The following CTNND2 variants were observed in gnomAD, a reference collection of about 807,000 sequenced individuals.
CTNND2 encodes the protein catenin delta-2.
A neutral mutation model predicts 144.4 loss-of-function variants in CTNND2; 22 were observed. That is an observed-to-expected ratio of 0.15 (90% CI 0.11 to 0.22). The LOEUF (loss-of-function observed/expected upper bound fraction) is 0.22, where lower values mean the gene tolerates loss of function less well. Among genes scored for constraint, CTNND2 ranks in the 10% least tolerant of loss-of-function variants. The probability of loss-of-function intolerance (pLI) is 1.00; values close to 1 mark genes in which losing one functional copy is unlikely to be tolerated. For missense variants in CTNND2, 1,353 were observed against 1,618.8 expected (o/e 0.84, Z 2.82); for synonymous variants, 751 against 695.6 (o/e 1.08, Z -1.25).
chr5:11,789,737 G>C (rs1481957241), intron 1 of CTNND2, among the ~76,000 whole-genome samples: 1 of 152,020 alleles, frequency 6.6e-6, no homozygotes, highest in East Asian at 1.9e-4. Flanking sequence ...GAATTGCCTA[G>C]TATCTCAAAT....
intron 1 of CTNND2, among the ~76,000 whole-genome samples, chr5:11,879,341 G>GTGTATATATATATATATATATA: frequency 1.5e-4 from 16 of 109,372 alleles, no homozygotes; most frequent in South Asian, 3.3e-4. Context: ...TTAAATGTGT[G>GTGTATATATATATATATATATA]TATATATATA....
At chr5:11,108,246 C>T (rs1428022174) in intron 14 of CTNND2, among the ~76,000 whole-genome samples, 1 of 152,108 alleles carries the variant, frequency 6.6e-6, no homozygotes, top group Admixed American at 6.5e-5. Context: ...GGCTGGTCTG[C>T]GGGATCCTAA....
chr5:11,006,146 C>G (rs1442399351), intron 18 of CTNND2, among the ~76,000 whole-genome samples: 1 of 152,050 alleles, frequency 6.6e-6, no homozygotes, highest in African/African-American at 2.4e-5. Flanking sequence ...AAGACCAGGA[C>G]CAGGGTATTG....
intron 9 of CTNND2, among the ~76,000 whole-genome samples, chr5:11,244,247 T>A (rs1182481752): frequency 6.6e-6 from 1 of 151,840 alleles, no homozygotes; most frequent in African/African-American, 2.4e-5. Flanking sequence ...TCCTGGATAG[T>A]TTGTAACTAA....
At chr5:11,846,328 A>G (rs1194497292) in intron 1 of CTNND2, among the ~76,000 whole-genome samples, 1 of 152,144 alleles carries the variant, frequency 6.6e-6, no homozygotes, top group African/African-American at 2.4e-5. Context: ...TTGACTTCAT[A>G]CTGTACAGAT....
intron 1 of CTNND2, among the ~76,000 whole-genome samples, chr5:11,854,369 G>C (rs934803219): frequency 6.6e-6 from 1 of 152,010 alleles, no homozygotes; most frequent in Non-Finnish European, 1.5e-5. Flanking sequence ...ACTCATTTCT[G>C]TTTGCTGTTT....
At chr5:11,884,484 T>C (rs1339061667) in intron 1 of CTNND2, among the ~76,000 whole-genome samples, 1 of 152,164 alleles carries the variant, frequency 6.6e-6, no homozygotes, top group Non-Finnish European at 1.5e-5. Context: ...ATCAGATGGT[T>C]GTAGATTTGT....
intron 16 of CTNND2, among the ~76,000 whole-genome samples, chr5:11,044,345 A>G (rs1744995220): frequency 6.6e-6 from 1 of 152,178 alleles, no homozygotes; most frequent in South Asian, 2.1e-4. Context: ...TAGCTTAACT[A>G]TTATTACACA....
intron 3 of CTNND2, among the ~76,000 whole-genome samples, chr5:11,471,414 C>T (rs545980689): frequency 3.3e-5 from 5 of 152,182 alleles, no homozygotes; most frequent in Middle Eastern, 3.4e-3. Context: ...AAAGTTTCTT[C>T]GATTGTTTCT....
chr5:11,460,959 G>T (rs1171883279), intron 3 of CTNND2, among the ~76,000 whole-genome samples: 2 of 151,986 alleles, frequency 1.3e-5, no homozygotes, highest in African/African-American at 4.8e-5. Flanking sequence ...TGAGGCAAGA[G>T]AAGTGCTTTA....
In CTNND2 at chr5:11,425,946, C is replaced by T. The variant is rs146561224; in HGVS notation, c.288-13877G>A. Among the ~76,000 whole-genome samples the T allele has an allele frequency of 8.3e-4, 126 of 152,262 alleles. 1 individual carries two copies. Among genetic ancestry groups the T allele is most frequent in the African/African-American group, 2.9e-3 (120 of 41,540 alleles). On this transcript the variant is annotated intron_variant, in intron 3 of 21. Coordinates refer to ENST00000304623, the MANE Select transcript of CTNND2 (RefSeq NM_001332.4). ...TCCTCCATATCTGATCAGGTTCCTC[C>T]ACCTCCATCAGCCTCCAGGTGATGT...
intron 2 of CTNND2, among the ~76,000 whole-genome samples, chr5:11,693,218 C>T (rs1196862549): frequency 2.0e-5 from 3 of 152,180 alleles, no homozygotes; most frequent in Non-Finnish European, 4.4e-5. Flanking sequence ...AAAGTGGAGC[C>T]TCTCCAGACC....
intron 11 of CTNND2, among the ~76,000 whole-genome samples, chr5:11,169,196 G>T (rs561335701): frequency 6.6e-6 from 1 of 152,168 alleles, no homozygotes; most frequent in African/African-American, 2.4e-5. Flanking sequence ...CCCAGCCAAG[G>T]ACCTACAGCC....
chr5:11,345,172 T>C (rs762367142), intron 9 of CTNND2, among the ~76,000 whole-genome samples: 16 of 152,208 alleles, frequency 1.1e-4, no homozygotes, highest in Non-Finnish European at 1.9e-4. Context: ...ACGCTTGCCA[T>C]ACATGCCAAG....
chr5:11,567,251 T>A (rs1246127054), intron 2 of CTNND2, among the ~76,000 whole-genome samples: 1 of 152,140 alleles, frequency 6.6e-6, no homozygotes, highest in Non-Finnish European at 1.5e-5. Flanking sequence ...TGTTTCTTTT[T>A]AATTTTTCTC....
At chr5:11,310,632 G>T (rs925700964) in intron 9 of CTNND2, among the ~76,000 whole-genome samples, 1 of 151,726 alleles carries the variant, frequency 6.6e-6, no homozygotes, top group African/African-American at 2.4e-5. Context: ...GAAACACCCC[G>T]AGGACCCGGA....
chr5:11,383,668 A>G (rs1390112077), intron 7 of CTNND2, among the ~76,000 whole-genome samples: 1 of 152,192 alleles, frequency 6.6e-6, no homozygotes, highest in East Asian at 1.9e-4. Flanking sequence ...CCTTTTTTAA[A>G]TCCTATTTAT....
At chr5:11,082,401 A>G (rs1370481504) in intron 16 of CTNND2, among the ~76,000 whole-genome samples, 1 of 152,224 alleles carries the variant, frequency 6.6e-6, no homozygotes, top group Non-Finnish European at 1.5e-5. Context: ...AAACAAACAA[A>G]CAGCCTGTCA....
chr5:11,384,527 T>C lies in CTNND2; in HGVS notation c.1177+138A>G, dbSNP rs61749845. The stretch of plus-strand genomic sequence containing the variant: ...ATACTGACTTGTTCCAGGAAAGCCC[T>C]GGCGTTCTCTGTCTCCTGCAACTAC... On this transcript the variant is annotated intron_variant, in intron 7 of 21. Transcript: ENST00000304623. This position sits in a 1 kb window ranked among gnomAD's most constrained non-coding sequence, Gnocchi z 5.2. 4.2e-6 allele frequency: 3 copies of C among 718,622 alleles called. No homozygotes were observed. Among genetic ancestry groups the C allele is most frequent in the East Asian group, 2.7e-5 (1 of 36,634 alleles). 44.5% of individuals were successfully genotyped at this position (718,622 alleles called of 1,614,324 possible). A position where few individuals can be genotyped will look rare whatever the true frequency, so the allele number is the denominator to read the frequency against.
Sources: gnomAD v4.1 joint callset for allele counts (sites outside exome capture counted in the v4.1 genomes callset) on GRCh38, gnomAD v4.1.1 for gene constraint, Gnocchi (gnomAD v3.1) non-coding constraint, MANE v1.5 for transcripts, NCBI Gene and HGNC (gene_info 2026-07-23, HGNC 2026-07-21) for gene names.